The following CSMD1 variants were observed in gnomAD, a reference collection of about 807,000 sequenced individuals.
CSMD1 encodes CUB and Sushi multiple domains 1, also known as CUB and sushi domain-containing protein 1.
CSMD1 carries 213 observed loss-of-function variants against 417.5 expected under a neutral mutation model. The ratio of observed to expected loss-of-function variants is 0.51; its 90% CI spans 0.46 to 0.57. CSMD1 has a LOEUF of 0.57. Ranked by LOEUF, CSMD1 falls within the 20% of genes least tolerant of loss-of-function variation. The probability of loss-of-function intolerance (pLI) is 0.00; values close to 1 mark genes in which losing one functional copy is unlikely to be tolerated. For missense variants in CSMD1, 6,923 were observed against 4,529.7 expected, an observed-to-expected ratio of 1.53 and a Z score of -15.17; for synonymous variants, 2,862 against 1,736.8, an observed-to-expected ratio of 1.65 and a Z score of -16.11.
chr8:3,137,056 T>C (rs552280048), intron 41 of CSMD1, among the ~76,000 whole-genome samples: 24 of 152,200 alleles, frequency 1.6e-4, no homozygotes, highest in Non-Finnish European at 3.2e-4. Flanking sequence ...GGGTAATTAC[T>C]ACATCTGTAT....
At chr8:3,887,763 C>G (rs1043627613) in intron 5 of CSMD1, among the ~76,000 whole-genome samples, 3 of 152,166 alleles carry the variant, frequency 2.0e-5, no homozygotes, top group Admixed American at 1.3e-4. Flanking sequence ...TAATATCTCC[C>G]TAAATGAACT....
intron 5 of CSMD1, among the ~76,000 whole-genome samples, chr8:3,779,311 T>A (rs541200983): frequency 6.6e-6 from 1 of 152,198 alleles, no homozygotes; most frequent in African/African-American, 2.4e-5. Context: ...TTTCTATTGA[T>A]TTTTAGAGAT....
intron 54 of CSMD1, among the ~76,000 whole-genome samples, chr8:2,983,889 T>A (rs774379719): frequency 6.6e-6 from 1 of 152,122 alleles, no homozygotes; most frequent in South Asian, 2.1e-4. Context: ...AAAAGTAAAA[T>A]CGAAACTGTC....
At chr8:4,145,707 T>A (rs893309557) in intron 3 of CSMD1, among the ~76,000 whole-genome samples, 1 of 151,086 alleles carries the variant, frequency 6.6e-6, no homozygotes, top group Admixed American at 6.6e-5. Context: ...CATTTCTTAA[T>A]GAAGAACATA....
intron 7 of CSMD1, among the ~76,000 whole-genome samples, chr8:3,639,093 G>C (rs1435242163): frequency 2.0e-5 from 3 of 152,054 alleles, no homozygotes; most frequent in Non-Finnish European, 4.4e-5. Flanking sequence ...CCACAAATTG[G>C]AAAAATGCAA....
intron 7 of CSMD1, chr8:3,704,924 G>C (rs1362841102): frequency 6.6e-6 from 1 of 152,222 alleles, no homozygotes; most frequent in South Asian, 2.1e-4. Flanking sequence ...TAGTCAGAGG[G>C]CATGGATTTC....
At chr8:3,914,899 G>T (rs1352775335) in intron 5 of CSMD1, among the ~76,000 whole-genome samples, 5 of 152,046 alleles carry the variant, frequency 3.3e-5, no homozygotes, top group African/African-American at 1.2e-4. Context: ...AAATCTTACA[G>T]AATAACTCAA....
chr8:3,698,945 T>C (rs893514184), intron 7 of CSMD1, among the ~76,000 whole-genome samples: 2 of 152,232 alleles, frequency 1.3e-5, no homozygotes, highest in African/African-American at 4.8e-5. Flanking sequence ...TCCTGTGTTC[T>C]AAGTCAGGCA....
chr8:3,000,267 G>A lies in CSMD1; in HGVS notation c.8030-136C>T, dbSNP rs907622724. 13 of 423,836 alleles carry A rather than the reference G, an allele frequency of 3.1e-5. No individual in the cohort carries two copies. In the Admixed American group the frequency reaches 3.6e-4, roughly 12 times the overall value. 26.3% of individuals were successfully genotyped at this position (423,836 alleles called of 1,614,324 possible). A position where few individuals can be genotyped will look rare whatever the true frequency, so the allele number is the denominator to read the frequency against. ...GAAATCTTTATCATTACATATATAT[G>A]TATACTTTTAAATATAGTTTTTCTT... On this transcript the variant is annotated intron_variant, in intron 52 of 69. Transcript: ENST00000635120.
intron 5 of CSMD1, among the ~76,000 whole-genome samples, chr8:3,850,776 C>A (rs1416146038): frequency 2.0e-5 from 3 of 151,892 alleles, no homozygotes; most frequent in African/African-American, 7.3e-5. Flanking sequence ...CAGGGGTGTG[C>A]CTTAGTAGTG....
chr8:4,331,115 T>C (rs1445822309), intron 3 of CSMD1, among the ~76,000 whole-genome samples: 6 of 152,130 alleles, frequency 3.9e-5, no homozygotes, highest in South Asian at 4.1e-4. Context: ...AAAATGAAAA[T>C]ATATTTCCCG....
intron 5 of CSMD1, among the ~76,000 whole-genome samples, chr8:3,912,968 C>A (rs1272727897): frequency 3.9e-5 from 6 of 151,996 alleles, no homozygotes; most frequent in Non-Finnish European, 8.8e-5. Context: ...GAGGAGTAAC[C>A]AAATGTGAGG....
At chr8:4,056,643 T>A (rs902699054) in intron 3 of CSMD1, among the ~76,000 whole-genome samples, 2 of 151,966 alleles carry the variant, frequency 1.3e-5, no homozygotes, top group Non-Finnish European at 2.9e-5. Flanking sequence ...CATTAACTCA[T>A]CATTTAGCAT....
chr8:4,758,715 G>A (rs190096695), intron 1 of CSMD1, among the ~76,000 whole-genome samples: 2 of 151,812 alleles, frequency 1.3e-5, no homozygotes, highest in Non-Finnish European at 2.9e-5. Context: ...GATAAAGAGA[G>A]TAAAAAGCCC....
chr8:3,429,997 G>T (rs184275435), intron 12 of CSMD1, among the ~76,000 whole-genome samples: 2 of 151,612 alleles, frequency 1.3e-5, no homozygotes, highest in East Asian at 3.9e-4. Context: ...TGTGTGTATG[G>T]GTATACATGT....
intron 26 of CSMD1, among the ~76,000 whole-genome samples, chr8:3,257,374 C>T (rs187578005): frequency 2.4e-3 from 362 of 152,342 alleles, no homozygotes; most frequent in Non-Finnish European, 4.2e-3. Flanking sequence ...GTTCTACTCA[C>T]TTGGGACACA....
chr8:3,899,639 G>C (rs958488331), intron 5 of CSMD1, among the ~76,000 whole-genome samples: 3 of 152,188 alleles, frequency 2.0e-5, no homozygotes, highest in Non-Finnish European at 4.4e-5. Context: ...AAAGGTTTTG[G>C]AGGCTGAGAA....
intron 5 of CSMD1, among the ~76,000 whole-genome samples, chr8:3,939,578 G>A (rs147600306): frequency 1.3e-5 from 2 of 152,222 alleles, no homozygotes; most frequent in African/African-American, 4.8e-5. Flanking sequence ...CATGTTTATA[G>A]CAGCACAATT....
intron 3 of CSMD1, among the ~76,000 whole-genome samples, chr8:4,378,859 C>T (rs1802918804): frequency 6.6e-6 from 1 of 152,128 alleles, no homozygotes; most frequent in Non-Finnish European, 1.5e-5. Context: ...ATCTATGAAA[C>T]AGAGAGTCAG....
Sources: gnomAD v4.1 joint callset for allele counts (sites outside exome capture counted in the v4.1 genomes callset) on GRCh38, gnomAD v4.1.1 for gene constraint, MANE v1.5 for transcripts, NCBI Gene and HGNC (gene_info 2026-07-23, HGNC 2026-07-21) for gene names.